The following LRRC37A2 variants were observed in gnomAD, a reference collection of about 807,000 sequenced individuals.
LRRC37A2 encodes leucine rich repeat containing 37 member A2, also known as leucine-rich repeat-containing protein 37A2.
LRRC37A2 carries 9 observed loss-of-function variants against 68.8 expected under a neutral mutation model. That is an observed-to-expected ratio of 0.13 (90% CI 0.08 to 0.23). LRRC37A2 has a LOEUF of 0.23. Ranked by LOEUF, LRRC37A2 falls within the 10% of genes least tolerant of loss-of-function variation. LRRC37A2 has a pLI of 1.00. For synonymous variants in LRRC37A2, 63 were observed against 367.6 expected (o/e 0.17, Z 9.48); for missense variants, 168 against 950.4 (o/e 0.18, Z 10.82).
chr17:46,428,961 A>G, the LRRC37A2 span, among the ~76,000 whole-genome samples: 248 of 114,106 alleles, frequency 2.2e-3, no homozygotes, highest in Non-Finnish European at 3.0e-3. Flanking sequence ...AAAAAAAAAA[A>G]AAGAAGAAGA....
the LRRC37A2 span, among the ~76,000 whole-genome samples, chr17:47,013,558 G>A: frequency 6.6e-6 from 1 of 152,106 alleles, no homozygotes; most frequent in Non-Finnish European, 1.5e-5. Flanking sequence ...CCCTAGAGTC[G>A]TGGTTCCCTG....
At chr17:46,896,597 CCT>C in the LRRC37A2 span, among the ~76,000 whole-genome samples, 1 of 152,090 alleles carries the variant, frequency 6.6e-6, no homozygotes, top group Non-Finnish European at 1.5e-5. Context: ...AGAGTGAGAC[CCT>C]GTTTCAAACA....
At chr17:46,622,566 T>G in the LRRC37A2 span, among the ~76,000 whole-genome samples, 21,758 of 144,318 alleles carry the variant, frequency 0.15, 2,052 homozygotes, top group Non-Finnish European at 0.21. Context: ...GCGGATTGCC[T>G]GAGCTCAGGA....
At chr17:46,745,575 T>A in the LRRC37A2 span, among the ~76,000 whole-genome samples, 7 of 152,232 alleles carry the variant, frequency 4.6e-5, no homozygotes, top group Non-Finnish European at 1.0e-4. Flanking sequence ...CTTTCTGGAA[T>A]GAGTAAGAAG....
At chr17:46,895,768 G>A in the LRRC37A2 span, among the ~76,000 whole-genome samples, 6 of 152,234 alleles carry the variant, frequency 3.9e-5, no homozygotes, top group East Asian at 7.7e-4. Flanking sequence ...GGTACATGGT[G>A]GGTGCAGAAA....
At chr17:46,477,515 C>T in the LRRC37A2 span, among the ~76,000 whole-genome samples, 1 of 57,372 alleles carries the variant, frequency 1.7e-5, no homozygotes, top group East Asian at 2.9e-4. Flanking sequence ...TGCACTCCAG[C>T]CTGGGTGACA....
the LRRC37A2 span, among the ~76,000 whole-genome samples, chr17:46,804,325 G>T: frequency 1.3e-5 from 2 of 152,302 alleles, no homozygotes; most frequent in East Asian, 1.9e-4. Flanking sequence ...GACCTCAAGT[G>T]ATCTGCCTGC....
At chr17:46,738,170 G>A in the LRRC37A2 span, among the ~76,000 whole-genome samples, 1 of 152,076 alleles carries the variant, frequency 6.6e-6, no homozygotes, top group Non-Finnish European at 1.5e-5. Flanking sequence ...CTGGGCTCAA[G>A]CAGTCCACCC....
At chr17:46,385,029 A>G in the LRRC37A2 span, among the ~76,000 whole-genome samples, 1 of 56,594 alleles carries the variant, frequency 1.8e-5, no homozygotes, top group Non-Finnish European at 3.8e-5. Flanking sequence ...AAAAATTGTG[A>G]AGTGTTTTTA....
the LRRC37A2 span, among the ~76,000 whole-genome samples, chr17:46,758,973 AG>A: frequency 3.4e-3 from 521 of 152,316 alleles, 1 homozygote; most frequent in African/African-American, 0.012. Flanking sequence ...TGGGAGGCTG[AG>A]GCGGGCAATC....
intron 4 of LRRC37A2, among the ~76,000 whole-genome samples, chr17:46,522,436 C>CT (rs540067163): frequency 0.033 from 3,879 of 118,834 alleles, 1 homozygote; most frequent in Admixed American, 0.054. Context: ...AAATGTGAGA[C>CT]TTGTTTGTTT....
the LRRC37A2 span, chr17:46,942,007 C>T: frequency 1.1e-6 from 1 of 952,122 alleles, no homozygotes; most frequent in African/African-American, 1.8e-5. Context: ...TAAATTCTTA[C>T]TGTTTATATC....
At chr17:46,923,337 G>A in the LRRC37A2 span, 15 of 1,530,364 alleles carry the variant, frequency 9.8e-6, no homozygotes, top group East Asian at 2.5e-5. Flanking sequence ...TTTCCGCCAG[G>A]GCACTGCTGG....
chr17:46,892,171 G>A, the LRRC37A2 span, among the ~76,000 whole-genome samples: 33 of 151,896 alleles, frequency 2.2e-4, 2 homozygotes, highest in South Asian at 6.9e-3. Context: ...CACTTGCCTC[G>A]GCCTCCCAAA....
At chr17:46,978,809 C>T in the LRRC37A2 span, 2 of 1,610,942 alleles carry the variant, frequency 1.2e-6, no homozygotes, top group East Asian at 2.2e-5. Context: ...ATCTGCGCCA[C>T]CCGCGACACC....
chr17:46,929,484 C>T, the LRRC37A2 span: 27 of 1,099,960 alleles, frequency 2.5e-5, no homozygotes, highest in African/African-American at 4.6e-5. Flanking sequence ...GTTGATTACT[C>T]CTGTCTCACT....
chr17:46,981,828 T>G, the LRRC37A2 span, among the ~76,000 whole-genome samples: 2 of 152,156 alleles, frequency 1.3e-5, no homozygotes, highest in Non-Finnish European at 2.9e-5. Flanking sequence ...ACCTCAACTT[T>G]CTGAGTAGCT....
the LRRC37A2 span, among the ~76,000 whole-genome samples, chr17:46,849,081 G>C: frequency 6.6e-6 from 1 of 152,198 alleles, no homozygotes; most frequent in Admixed American, 6.5e-5. Context: ...TGGGCAAGCT[G>C]GAAGGCACCC....
At chr17:46,797,083 C>T in the LRRC37A2 span, among the ~76,000 whole-genome samples, 3 of 152,220 alleles carry the variant, frequency 2.0e-5, no homozygotes, top group African/African-American at 7.2e-5. Context: ...ACGGGTCACA[C>T]TGGCAGGACC....
Sources: gnomAD v4.1 joint callset for allele counts (sites outside exome capture counted in the v4.1 genomes callset) on GRCh38, gnomAD v4.1.1 for gene constraint, MANE v1.5 for transcripts, NCBI Gene and HGNC (gene_info 2026-07-23, HGNC 2026-07-21) for gene names.